The following SRCIN1 variants were observed in gnomAD, a reference collection of about 807,000 sequenced individuals.
SRCIN1 encodes the protein SRC kinase signaling inhibitor 1.
In SRCIN1, 50 loss-of-function variants were observed where a neutral mutation model predicts 116.2. The ratio of observed to expected loss-of-function variants is 0.43; its 90% CI spans 0.34 to 0.54. The LOEUF is 0.54. Ranked by LOEUF, SRCIN1 falls within the 20% of genes least tolerant of loss-of-function variation. The probability of loss-of-function intolerance (pLI) is 0.02; values close to 1 mark genes in which losing one functional copy is unlikely to be tolerated. For synonymous variants in SRCIN1, 736 were observed against 750.0 expected, an observed-to-expected ratio of 0.98 and a Z score of 0.30; for missense variants, 1,446 against 1,672.0, an observed-to-expected ratio of 0.86 and a Z score of 2.36.
intron 1 of SRCIN1, among the ~76,000 whole-genome samples, chr17:38,597,101 C>T (rs1041133310): frequency 6.6e-6 from 1 of 152,220 alleles, no homozygotes; most frequent in African/African-American, 2.4e-5. Flanking sequence ...TTCTCAGAGC[C>T]CCCTGCCAAT....
upstream of SRCIN1, among the ~76,000 whole-genome samples, chr17:38,606,372 G>C (rs967094104): frequency 6.6e-6 from 1 of 152,022 alleles, no homozygotes; most frequent in Non-Finnish European, 1.5e-5. The surrounding 1 kb of genome is among the most constrained non-coding windows in gnomAD (Gnocchi z 5.2). Flanking sequence ...GAGACTGGGG[G>C]CTCCCTTCAG....
Position 38,602,408 on chromosome 17 carries a change from G to A in SRCIN1, c.22+3276C>T, listed in dbSNP as rs1909102720. 6.6e-6 allele frequency: 1 copy of A among 152,198 alleles called. No homozygotes were observed. Among genetic ancestry groups the A allele is most frequent in the Non-Finnish European group, 1.5e-5 (1 of 68,048 alleles). 9.4% of individuals were successfully genotyped at this position (152,198 alleles called of 1,614,324 possible). On this transcript the variant is annotated intron_variant, in intron 1 of 18. Coordinates refer to ENST00000617146, the MANE Select transcript of SRCIN1 (RefSeq NM_025248.3). This position sits in a 1 kb window ranked among gnomAD's most constrained non-coding sequence, Gnocchi z 4.2. ...TCAAAGAGCATCTGAGTGCCTCATT[G>A]AAGCCTGCACCTGCACCAGCCCACC...
At position 38,568,123 on chromosome 17, in the gene SRCIN1, C is replaced by A; in HGVS notation, c.345+88G>T. On this transcript the variant is annotated intron_variant, in intron 3 of 18. Coordinates refer to ENST00000617146, the MANE Select transcript of SRCIN1 (RefSeq NM_025248.3). The surrounding 1 kb of genome is among the most constrained non-coding windows in gnomAD (Gnocchi z 4.5). ...AAGGTGTCCGTGCAGATGCGCACCC[C>A]GGTGCAAAGCCTGTGCAAGGGAGAG... The A allele has an allele frequency of 6.6e-7, 1 of 1,509,684 alleles. No homozygotes were observed. Among genetic ancestry groups the A allele is most frequent in the East Asian group, 2.3e-5 (1 of 43,740 alleles). The allele number at this position is 1,509,684 out of a possible 1,614,324, so 93.5% of individuals were successfully genotyped here. A position where few individuals can be genotyped will look rare whatever the true frequency, so the allele number is the denominator to read the frequency against.
chr17:38,536,199 G>A (rs534411528), intron 18 of SRCIN1, among the ~76,000 whole-genome samples: 2 of 152,160 alleles, frequency 1.3e-5, no homozygotes, highest in Non-Finnish European at 2.9e-5. Flanking sequence ...CTTCCCTCCC[G>A]GGAGACTCTG....
chr17:38,540,727 T>G (rs1904678561), intron 18 of SRCIN1, among the ~76,000 whole-genome samples: 1 of 150,750 alleles, frequency 6.6e-6, no homozygotes, highest in African/African-American at 2.5e-5. Context: ...GGCAGGGATT[T>G]TAAGCTGGCA....
chr17:38,552,265 G>C lies in SRCIN1; in HGVS notation c.2481-133C>G, dbSNP rs576099407. 31 of 1,432,460 alleles carry C rather than the reference G, an allele frequency of 2.2e-5. No individual in the cohort carries two copies. The highest frequency in any genetic ancestry group is 2.7e-5 in the Non-Finnish European group (29 of 1,067,158). 88.7% of individuals were successfully genotyped at this position (1,432,460 alleles called of 1,614,324 possible). A position where few individuals can be genotyped will look rare whatever the true frequency, so the allele number is the denominator to read the frequency against. ...TGGGAGGGCCTGGGGAGGAGTGACT[G>C]CCCCTGGTATAAGAGGAAGCCAGGT... On this transcript the variant is annotated intron_variant, in intron 13 of 18. Coordinates refer to ENST00000617146, the MANE Select transcript of SRCIN1 (RefSeq NM_025248.3). The surrounding 1 kb of genome is among the most constrained non-coding windows in gnomAD (Gnocchi z 5.3).
intron 1 of SRCIN1, among the ~76,000 whole-genome samples, chr17:38,587,642 G>A (rs1448564599): frequency 2.0e-5 from 3 of 151,890 alleles, no homozygotes; most frequent in African/African-American, 4.8e-5. Flanking sequence ...AGCTGCCTGG[G>A]GAGCCCCTCT....
chr17:38,601,144 A>T (rs1300479227), intron 1 of SRCIN1: 1 of 152,350 alleles, frequency 6.6e-6, no homozygotes, highest in African/African-American at 2.4e-5. Flanking sequence ...CCCTCATTTC[A>T]CAGGTGAGGA....
rs1319563996 is a variant in SRCIN1 at position 38,604,590 on chromosome 17, G to C, written c.22+1094C>G. On this transcript the variant is annotated intron_variant, in intron 1 of 18. Coordinates refer to ENST00000617146, the MANE Select transcript of SRCIN1 (RefSeq NM_025248.3). This position sits in a 1 kb window ranked among gnomAD's most constrained non-coding sequence, Gnocchi z 4.3. ...GCCAGGGCAAAGCGCCGGAGGCACTGCCAGGGCTGCATGGGGACGCGTGGG... is the reference window on the plus strand; with the variant it reads ...GCCAGGGCAAAGCGCCGGAGGCACTCCCAGGGCTGCATGGGGACGCGTGGG... 4.4e-6 allele frequency: 2 copies of C among 450,384 alleles called. No individual in the cohort carries two copies. Among genetic ancestry groups the C allele is most frequent in the Admixed American group, 2.4e-5 (1 of 42,046 alleles). The allele number at this position is 450,384 out of a possible 1,614,324, so 27.9% of individuals were successfully genotyped here. A position where few individuals can be genotyped will look rare whatever the true frequency, so the allele number is the denominator to read the frequency against.
chr17:38,558,429 C>A lies in SRCIN1; in HGVS notation c.2026-27G>T. ...TGCGGGACGCACGGACGGATGGACCCGGGTGGGGGGAGCGGAGCCGCGAGG... is the reference window on the plus strand; with the variant it reads ...TGCGGGACGCACGGACGGATGGACCAGGGTGGGGGGAGCGGAGCCGCGAGG... On this transcript the variant is annotated intron_variant, in intron 10 of 18. Transcript: ENST00000617146. This position sits in a 1 kb window ranked among gnomAD's most constrained non-coding sequence, Gnocchi z 4.6. 6.4e-7 allele frequency: 1 copy of A among 1,566,996 alleles called. No individual in the cohort carries two copies. The highest frequency in any genetic ancestry group is 2.4e-5 in the East Asian group (1 of 42,390).
At position 38,560,367 on chromosome 17, in the gene SRCIN1, C is replaced by A. The variant is rs760418549; in HGVS notation, c.1759G>T (p.Ala587Ser). The change falls in exon 8 of 19, where the codon GCC becomes TCC. Residue 587 changes from alanine to serine, a missense_variant. By Grantham distance (99) the Ala-to-Ser change is moderately conservative (BLOSUM62 1). This residue lies in a region of SRCIN1 where 398 missense variants were observed against 385.6 expected (regional missense o/e 1.03). Coordinates refer to ENST00000617146, the MANE Select transcript of SRCIN1 (RefSeq NM_025248.3). Reference sequence around the variant, plus strand: ...TCAGGCTCAGAGCCTCGCAGTAAGGCGCTCTGCACCAGGCCTGTGAGGCTG... The same window carrying A: ...TCAGGCTCAGAGCCTCGCAGTAAGGAGCTCTGCACCAGGCCTGTGAGGCTG... ...IASLTGLVQS[A>S]LLRGSEPETP... 6.2e-7 allele frequency: 1 copy of A among 1,611,696 alleles called. No homozygotes were observed. The highest frequency in any genetic ancestry group is 8.5e-7 in the Non-Finnish European group (1 of 1,178,966).
intron 2 of SRCIN1, among the ~76,000 whole-genome samples, chr17:38,570,051 C>A (rs1372413617): frequency 4.6e-5 from 7 of 152,180 alleles, no homozygotes; most frequent in Non-Finnish European, 8.8e-5. Flanking sequence ...ATGGGCCACC[C>A]ACAGCGCCCC....
Position 38,550,607 on chromosome 17 carries a change from T to C in SRCIN1, c.2962+548A>G, listed in dbSNP as rs553121835. Among the ~76,000 whole-genome samples the C allele has an allele frequency of 7.2e-5, 11 of 152,370 alleles. No individual in the cohort carries two copies. In the East Asian group the frequency reaches 2.1e-3, roughly 29 times the overall value. On this transcript the variant is annotated intron_variant, in intron 15 of 18. Coordinates refer to ENST00000617146, the MANE Select transcript of SRCIN1 (RefSeq NM_025248.3). ...GCTTGATAAACACAAATGTCAGTGT[T>C]ATTCCCCCCACTAAATTTTGAGCTC... is the stretch of plus-strand genomic sequence containing the variant.
chr17:38,581,411 AAAAAAAAG>A (rs1907800552), intron 1 of SRCIN1, among the ~76,000 whole-genome samples: 1 of 143,168 alleles, frequency 7.0e-6, no homozygotes. Flanking sequence ...GTCTCAAAAA[AAAAAAAAG>A]AAAAAAGAAA....
At chr17:38,581,868 C>T (rs538331910) in intron 1 of SRCIN1, among the ~76,000 whole-genome samples, 1 of 152,316 alleles carries the variant, frequency 6.6e-6, no homozygotes, top group East Asian at 1.9e-4. Context: ...CAACCAAAGT[C>T]AGAGGGTTGC....
rs1024060628 is a variant in SRCIN1 at position 38,604,387 on chromosome 17, T to A, written c.22+1297A>T. ...CTCGGGGAGCCCACTTTCCTTAAAG[T>A]TGGGGTGCTGCAGGACCTCCTTGTC... On this transcript the variant is annotated intron_variant, in intron 1 of 18. Coordinates refer to ENST00000617146, the MANE Select transcript of SRCIN1 (RefSeq NM_025248.3). This position sits in a 1 kb window ranked among gnomAD's most constrained non-coding sequence, Gnocchi z 4.3. The A allele has an allele frequency of 3.0e-6, 1 of 329,038 alleles. No individual in the cohort carries two copies. 20.4% of individuals were successfully genotyped at this position (329,038 alleles called of 1,614,324 possible). A position where few individuals can be genotyped will look rare whatever the true frequency, so the allele number is the denominator to read the frequency against.
intron 17 of SRCIN1, chr17:38,547,937 G>A (rs963880417): frequency 2.1e-5 from 4 of 190,608 alleles, no homozygotes; most frequent in Non-Finnish European, 4.5e-5. Context: ...GGAGGATGGG[G>A]GTGCTGGCCT....
intron 17 of SRCIN1, among the ~76,000 whole-genome samples, chr17:38,546,203 C>A (rs1449380392): frequency 6.6e-6 from 1 of 152,378 alleles, no homozygotes; most frequent in South Asian, 2.1e-4. Flanking sequence ...TGCCGTCACA[C>A]CCTTCCTCAC....
chr17:38,543,804 C>A lies in SRCIN1; in HGVS notation c.3417+19G>T, dbSNP rs1464215202. 1 of 1,600,988 alleles carries A rather than the reference C, an allele frequency of 6.2e-7. No homozygotes were observed. The highest frequency in any genetic ancestry group is 1.3e-5 in the African/African-American group (1 of 74,938). On this transcript the variant is annotated intron_variant, in intron 18 of 18. Coordinates refer to ENST00000617146, the MANE Select transcript of SRCIN1 (RefSeq NM_025248.3). ...GCAGCAGAGTGGGCCTGGGTGGCCCCCACAGTCCCCGCCCTCACCTGCTGC... is the reference window on the plus strand; with the variant it reads ...GCAGCAGAGTGGGCCTGGGTGGCCCACACAGTCCCCGCCCTCACCTGCTGC...
Sources: gnomAD v4.1 joint callset for allele counts (sites outside exome capture counted in the v4.1 genomes callset) on GRCh38, gnomAD v4.1.1 for gene constraint, gnomAD v4.1.1 regional missense constraint, Gnocchi (gnomAD v3.1) non-coding constraint, MANE v1.5 for transcripts, NCBI Gene and HGNC (gene_info 2026-07-23, HGNC 2026-07-21) for gene names.